CYP3A7: variants seen among roughly 807,000 people sequenced by gnomAD.
CYP3A7 encodes cytochrome P450 3A7.
In CYP3A7, 45 loss-of-function variants were observed where a neutral mutation model predicts 55.2. That is an observed-to-expected ratio of 0.82 (90% CI 0.64 to 1.05). The LOEUF (loss-of-function observed/expected upper bound fraction) is 1.05. Among genes scored for constraint, CYP3A7 ranks in the 50% least tolerant of loss-of-function variants. The pLI is 0.00. For synonymous variants in CYP3A7, 180 were observed against 207.4 expected (o/e 0.87, Z 1.13); for missense variants, 548 against 605.3 (o/e 0.91, Z 0.99).
chr7:99,729,253 T>C (rs1257479074), intron 2 of CYP3A7, among the ~76,000 whole-genome samples: 1 of 152,192 alleles, frequency 6.6e-6, no homozygotes, highest in South Asian at 2.1e-4. Context: ...CCAATTATTC[T>C]ATACAACAAA....
chr7:99,719,024 A>T (rs1352575552), intron 4 of CYP3A7, among the ~76,000 whole-genome samples: 1 of 152,244 alleles, frequency 6.6e-6, no homozygotes, highest in African/African-American at 2.4e-5. Flanking sequence ...ATGGAGAGGC[A>T]TACTATGTTC....
rs1402332376 is a variant in CYP3A7, at chr7:99,734,882, A to G, written c.71+141T>C. 4 of 1,299,466 alleles carry G rather than the reference A, an allele frequency of 3.1e-6. No individual in the cohort carries two copies. The African/African-American group carries it at 4.4e-5, about 14-fold the overall frequency. The allele number at this position is 1,299,466 out of a possible 1,614,324, so 80.5% of individuals were successfully genotyped here. A position where few individuals can be genotyped will look rare whatever the true frequency, so the allele number is the denominator to read the frequency against. On this transcript the variant is annotated intron_variant, in intron 1 of 12. Coordinates refer to ENST00000336374, the MANE Select transcript of CYP3A7 (RefSeq NM_000765.5). ...GGCAGTCCACCTGCTCAGCATCCCAAAGTTCTGGGATGACAGGTGTGAGCC... is the reference window on the plus strand; with the variant it reads ...GGCAGTCCACCTGCTCAGCATCCCAGAGTTCTGGGATGACAGGTGTGAGCC...
chr7:99,723,291 T>C (rs1207644303), intron 2 of CYP3A7, among the ~76,000 whole-genome samples: 2 of 152,310 alleles, frequency 1.3e-5, no homozygotes, highest in East Asian at 3.9e-4. Flanking sequence ...GTTACTGCCC[T>C]GCCCCAACTG....
At chr7:99,715,994 T>C in intron 6 of CYP3A7, 88 bp from the exon 7 acceptor site, 1 of 1,609,814 alleles carries the variant, frequency 6.2e-7, no homozygotes, top group Non-Finnish European at 8.5e-7. Context: ...ACATGTCCAG[T>C]CAAGACAGAC....
intron 9 of CYP3A7, 124 bp downstream of exon 9, chr7:99,713,345 A>G: frequency 1.4e-6 from 2 of 1,450,290 alleles, no homozygotes; most frequent in Admixed American, 1.8e-5. Flanking sequence ...TAACATCCAA[A>G]CCTGTGTCAT....
intron 2 of CYP3A7, among the ~76,000 whole-genome samples, chr7:99,725,475 C>G (rs1814375574): frequency 6.6e-6 from 1 of 152,212 alleles, no homozygotes; most frequent in Non-Finnish European, 1.5e-5. Flanking sequence ...GCATACAAAA[C>G]CTTCAGAACA....
chr7:99,714,838 G>C (rs1813878650), intron 7 of CYP3A7, among the ~76,000 whole-genome samples, 156 bp from the exon 8 acceptor site: 1 of 152,100 alleles, frequency 6.6e-6, no homozygotes. Context: ...CCTCTTCCAG[G>C]CCAGTGGCTG....
intron 2 of CYP3A7, among the ~76,000 whole-genome samples, chr7:99,728,369 T>C (rs1462763680): frequency 1.3e-5 from 2 of 152,236 alleles, no homozygotes; most frequent in Admixed American, 1.3e-4. Flanking sequence ...TGTTTACTTA[T>C]ACCGAACCCC....
In CYP3A7 at chr7:99,717,252, A is replaced by G. The variant is rs1399914839; in HGVS notation, c.446T>C (p.Ile149Thr). 8.1e-6 allele frequency: 13 copies of G among 1,613,866 alleles called. No homozygotes were observed. Among genetic ancestry groups the G allele is most frequent in the Admixed American group, 3.3e-5 (2 of 59,998 alleles). ...SGKLKEMVPI[I>T]AQYGDVLVRN... ...CACCAACACATCTCCATACTGGGCA[A>G]TGATAGGGACCATCTAAGCACAAAA... The change falls in exon 6 of 13, where the codon ATT becomes ACT. Residue 149 changes from isoleucine to threonine, a missense_variant. Ile to Thr is a moderately conservative substitution (Grantham distance 89). Coordinates refer to ENST00000336374, the MANE Select transcript of CYP3A7 (RefSeq NM_000765.5).
Position 99,707,803 on chromosome 7 carries a change from TTGAC to T in CYP3A7, c.1416+5_1416+8del. The T allele has an allele frequency of 6.2e-7, 1 of 1,613,730 alleles. No individual in the cohort carries two copies. Among genetic ancestry groups the T allele is most frequent in the Non-Finnish European group, 8.5e-7 (1 of 1,179,752 alleles). On this transcript the variant is annotated splice_donor_5th_base_variant and intron_variant, in intron 12 of 12. Coordinates refer to ENST00000336374, the MANE Select transcript of CYP3A7 (RefSeq NM_000765.5). ...AATAAAACATTATTAATGCAGAAAA[TTGAC>T]TGACCTGTGTTTCTTTACAAGGTTT...
intron 10 of CYP3A7, among the ~76,000 whole-genome samples, chr7:99,710,229 T>C (rs1383048576): frequency 6.6e-6 from 1 of 152,174 alleles, no homozygotes; most frequent in Admixed American, 6.5e-5. Context: ...GGCAATATTA[T>C]AGAGTTTAAG....
At chr7:99,710,636 T>C (rs1813711808) in intron 10 of CYP3A7, 96 bp downstream of exon 10, 1 of 1,593,952 alleles carries the variant, frequency 6.3e-7, no homozygotes, top group Admixed American at 1.7e-5. Flanking sequence ...ACAATCATGA[T>C]TATGCTTTTT....
chr7:99,733,778 G>A (rs1453553633), intron 1 of CYP3A7, among the ~76,000 whole-genome samples: 1 of 152,210 alleles, frequency 6.6e-6, no homozygotes, highest in East Asian at 1.9e-4. Flanking sequence ...CTACCTGGAT[G>A]CTTTTGCTAT....
At chr7:99,720,234 G>C in intron 4 of CYP3A7, 79 bp downstream of exon 4, 2 of 1,556,210 alleles carry the variant, frequency 1.3e-6, no homozygotes, top group Non-Finnish European at 1.7e-6. Flanking sequence ...TTAGGCAACT[G>C]TCTATGAATA....
At chr7:99,722,225 T>A in intron 3 of CYP3A7, 71 bp downstream of exon 3, 1 of 1,595,330 alleles carries the variant, frequency 6.3e-7, no homozygotes, top group Non-Finnish European at 8.6e-7. Flanking sequence ...GGGCTGAGAC[T>A]ATCCTCTGTG....
chr7:99,717,059 C>T, intron 6 of CYP3A7, 118 bp downstream of exon 6: 2 of 1,276,098 alleles, frequency 1.6e-6, no homozygotes. Context: ...GTTGCATTAC[C>T]ACAGCCCTCC....
chr7:99,726,250 C>T (rs1814407274), intron 2 of CYP3A7, among the ~76,000 whole-genome samples: 1 of 152,270 alleles, frequency 6.6e-6, no homozygotes, highest in East Asian at 1.9e-4. Flanking sequence ...CCCAGCTTAA[C>T]GCCAGTATCC....
chr7:99,717,105 G>C (rs543837820), intron 6 of CYP3A7, 72 bp downstream of exon 6: 2 of 1,596,858 alleles, frequency 1.3e-6, no homozygotes, highest in Non-Finnish European at 1.7e-6. Flanking sequence ...AACAGCGGGA[G>C]TATCAGCTCC....
intron 10 of CYP3A7, 49 bp from the exon 11 acceptor site, chr7:99,709,310 T>A (rs1384452324): frequency 1.3e-6 from 2 of 1,588,144 alleles, no homozygotes; most frequent in East Asian, 2.3e-5. Context: ...TTGAATTAAC[T>A]TTTAACTCAG....
Sources: gnomAD v4.1 joint callset for allele counts (sites outside exome capture counted in the v4.1 genomes callset) on GRCh38, gnomAD v4.1.1 for gene constraint, MANE v1.5 for transcripts, NCBI Gene and HGNC (gene_info 2026-07-23, HGNC 2026-07-21) for gene names.